Variants in LYPLAL1 observed in about 807,000 individuals in gnomAD.
LYPLAL1 encodes the protein lysophospholipase like 1, also known as lysophospholipase-like protein 1.
In LYPLAL1, 23 loss-of-function variants were observed where a neutral mutation model predicts 19.7. That is an observed-to-expected ratio of 1.17 (90% CI 0.84 to 1.65). LYPLAL1 has a LOEUF of 1.65. Among genes scored for constraint, LYPLAL1 ranks in the 40% most tolerant of loss-of-function variants. The pLI, the probability that LYPLAL1 is intolerant of heterozygous loss-of-function variation, is 0.00. For missense variants in LYPLAL1, 355 were observed against 279.4 expected, an observed-to-expected ratio of 1.27 and a Z score of -1.93; for synonymous variants, 119 against 96.3, an observed-to-expected ratio of 1.24 and a Z score of -1.38.
At chr1:219,175,833 T>C (rs1655765353) in intron 1 of LYPLAL1, among the ~76,000 whole-genome samples, 1 of 152,236 alleles carries the variant, frequency 6.6e-6, no homozygotes, top group Non-Finnish European at 1.5e-5. Flanking sequence ...GGTTATGTTA[T>C]AGGAGATGTT....
the LYPLAL1 span, among the ~76,000 whole-genome samples, chr1:219,395,735 A>G: frequency 0.4 from 61,112 of 151,860 alleles, 12,412 homozygotes; most frequent in Admixed American, 0.48. Flanking sequence ...GTCTTCCAGG[A>G]TTTTTATAAT....
At chr1:219,375,409 TGAGCCAGGATCGCAGCACTGCACTC>T in the LYPLAL1 span, among the ~76,000 whole-genome samples, 22 of 143,872 alleles carry the variant, frequency 1.5e-4, no homozygotes, top group East Asian at 4.1e-4. Context: ...GAGGTTGCAG[TGAGCCAGGATCGCAGCACTGCACTC>T]GAGCCAGGAT....
At chr1:219,301,041 G>A in the LYPLAL1 span, among the ~76,000 whole-genome samples, 4 of 148,582 alleles carry the variant, frequency 2.7e-5, no homozygotes, top group African/African-American at 9.9e-5. Context: ...GGACAACATA[G>A]CAAGACTCCA....
At chr1:219,372,591 C>T in the LYPLAL1 span, among the ~76,000 whole-genome samples, 1 of 152,028 alleles carries the variant, frequency 6.6e-6, no homozygotes. Flanking sequence ...TTTGGTGGTG[C>T]CTGAAAATAT....
chr1:219,411,299 A>AC, the LYPLAL1 span, among the ~76,000 whole-genome samples: 1 of 150,310 alleles, frequency 6.7e-6, no homozygotes, highest in South Asian at 2.1e-4. Flanking sequence ...ACCAATCAGC[A>AC]CTCTGTATCT....
chr1:219,208,079 G>C (rs1658714108), intron 3 of LYPLAL1, among the ~76,000 whole-genome samples: 1 of 151,972 alleles, frequency 6.6e-6, no homozygotes, highest in South Asian at 2.1e-4. Flanking sequence ...AAATTCCTTT[G>C]TAAGTAAATG....
chr1:219,221,169 G>T, the LYPLAL1 span, among the ~76,000 whole-genome samples: 1 of 152,156 alleles, frequency 6.6e-6, no homozygotes, highest in African/African-American at 2.4e-5. Context: ...GTGCAGTGAT[G>T]ACTGTGTCTA....
At chr1:219,426,760 A>G in the LYPLAL1 span, among the ~76,000 whole-genome samples, 57 of 152,142 alleles carry the variant, frequency 3.7e-4, no homozygotes, top group African/African-American at 1.3e-3. Flanking sequence ...CACCACACCC[A>G]GCTAGTTTTT....
the LYPLAL1 span, among the ~76,000 whole-genome samples, chr1:219,278,098 A>G: frequency 6.6e-6 from 1 of 152,354 alleles, no homozygotes; most frequent in East Asian, 1.9e-4. Flanking sequence ...GCCAGTGCCA[A>G]CATCCTCATT....
the LYPLAL1 span, among the ~76,000 whole-genome samples, chr1:219,239,568 T>C: frequency 3.0e-3 from 457 of 152,370 alleles, 1 homozygote; most frequent in Non-Finnish European, 4.8e-3. Flanking sequence ...AATGTGTGTG[T>C]GTGTTCTCTT....
At chr1:219,417,630 T>C in the LYPLAL1 span, among the ~76,000 whole-genome samples, 7 of 152,364 alleles carry the variant, frequency 4.6e-5, no homozygotes, top group East Asian at 9.6e-4. Context: ...TCAATCTCAG[T>C]TATTACTGGG....
At chr1:219,327,562 A>C in the LYPLAL1 span, among the ~76,000 whole-genome samples, 1 of 151,738 alleles carries the variant, frequency 6.6e-6, no homozygotes, top group South Asian at 2.1e-4. Flanking sequence ...TATTTGACTT[A>C]GTGTGACAAA....
the LYPLAL1 span, among the ~76,000 whole-genome samples, chr1:219,336,605 G>A: frequency 6.6e-6 from 1 of 151,838 alleles, no homozygotes; most frequent in Non-Finnish European, 1.5e-5. Context: ...AAAGTACAAA[G>A]TCCTTTACAT....
intron 1 of LYPLAL1, chr1:219,175,090 A>G (rs189996280): frequency 4.6e-5 from 45 of 985,412 alleles, no homozygotes; most frequent in East Asian, 3.4e-4. Context: ...GAAAAGGGCA[A>G]TTGTGGGAGG....
chr1:219,434,483 G>A, the LYPLAL1 span, among the ~76,000 whole-genome samples: 1 of 152,176 alleles, frequency 6.6e-6, no homozygotes, highest in African/African-American at 2.4e-5. Context: ...AATGAGCAAG[G>A]AAGCAAAGAG....
At chr1:219,433,635 A>G in the LYPLAL1 span, among the ~76,000 whole-genome samples, 6,670 of 152,246 alleles carry the variant, frequency 0.044, 232 homozygotes, top group African/African-American at 0.098. Context: ...ACAGTATCAC[A>G]AGGCAGGGCC....
the LYPLAL1 span, among the ~76,000 whole-genome samples, chr1:219,234,958 A>G: frequency 7.0e-6 from 1 of 143,664 alleles, no homozygotes; most frequent in South Asian, 2.2e-4. Context: ...CCTGTATTTG[A>G]TGAAATAAGA....
chr1:219,216,608 G>C (rs534614825), downstream of LYPLAL1, among the ~76,000 whole-genome samples: 5 of 151,994 alleles, frequency 3.3e-5, no homozygotes, highest in Non-Finnish European at 7.4e-5. Context: ...CCCACCTATT[G>C]CTCCTCTTCC....
At chr1:219,263,589 C>T in the LYPLAL1 span, among the ~76,000 whole-genome samples, 2 of 152,152 alleles carry the variant, frequency 1.3e-5, no homozygotes, top group Non-Finnish European at 2.9e-5. Context: ...TGGGAAGCTT[C>T]TTTCACCCTG....
Sources: gnomAD v4.1 joint callset for allele counts (sites outside exome capture counted in the v4.1 genomes callset) on GRCh38, gnomAD v4.1.1 for gene constraint, MANE v1.5 for transcripts, NCBI Gene and HGNC (gene_info 2026-07-23, HGNC 2026-07-21) for gene names.